The following ZCCHC14 variants were observed in gnomAD, a reference collection of about 807,000 sequenced individuals.
ZCCHC14 encodes zinc finger CCHC domain-containing protein 14.
Under a neutral mutation model 85.0 loss-of-function variants are expected in ZCCHC14, and 16 were observed. That is an observed-to-expected ratio of 0.19 (90% CI 0.13 to 0.29). The LOEUF (loss-of-function observed/expected upper bound fraction) is 0.29. ZCCHC14 is among the 10% of genes least tolerant of loss of function. ZCCHC14 has a pLI of 1.00. For synonymous variants in ZCCHC14, 775 were observed against 630.7 expected (o/e 1.23, Z -3.43); for missense variants, 1,303 against 1,443.5 (o/e 0.90, Z 1.58).
chr16:87,435,210 G>A (rs974652065), intron 2 of ZCCHC14, among the ~76,000 whole-genome samples: 25 of 152,170 alleles, frequency 1.6e-4, no homozygotes, highest in African/African-American at 5.8e-4. Context: ...CACGCTCTGG[G>A]GATGGTTCTA....
intron 12 of ZCCHC14, among the ~76,000 whole-genome samples, chr16:87,410,809 G>A (rs956125752): frequency 6.6e-6 from 1 of 152,192 alleles, no homozygotes; most frequent in South Asian, 2.1e-4. Flanking sequence ...CTCTCCAGGT[G>A]AACGTGATGT....
At chr16:87,464,868 C>T (rs561444550) in intron 1 of ZCCHC14, among the ~76,000 whole-genome samples, 5 of 152,340 alleles carry the variant, frequency 3.3e-5, no homozygotes, top group Middle Eastern at 3.4e-3. Context: ...CTGACTCAGG[C>T]TCACCCGCAG....
chr16:87,469,768 C>T (rs186069990), intron 1 of ZCCHC14, among the ~76,000 whole-genome samples: 7 of 152,270 alleles, frequency 4.6e-5, no homozygotes, highest in Admixed American at 4.6e-4. Flanking sequence ...TCCCGGAAGG[C>T]AGGGCTCCCT....
At chr16:87,438,526 C>G (rs534500650) in intron 2 of ZCCHC14, among the ~76,000 whole-genome samples, 1 of 152,144 alleles carries the variant, frequency 6.6e-6, no homozygotes, top group African/African-American at 2.4e-5. Context: ...GACCTGAGTT[C>G]GAATATTCAT....
intron 2 of ZCCHC14, among the ~76,000 whole-genome samples, chr16:87,458,722 G>C (rs928535434): frequency 6.6e-6 from 1 of 152,194 alleles, no homozygotes; most frequent in Admixed American, 6.5e-5. Context: ...GCGGTTGGGG[G>C]AGAGCGCACA....
At chr16:87,476,919 G>A (rs1383613730) in intron 1 of ZCCHC14, among the ~76,000 whole-genome samples, 5 of 151,966 alleles carry the variant, frequency 3.3e-5, no homozygotes, top group Non-Finnish European at 7.4e-5. Flanking sequence ...AAGGTAAGGA[G>A]TTTGAGACCA....
In ZCCHC14 at chr16:87,411,600, C is replaced by T. The variant is rs747496084; in HGVS notation, c.3121G>A (p.Gly1041Arg). The T allele has an allele frequency of 1.9e-6, 3 of 1,613,906 alleles. No homozygotes were observed. Among genetic ancestry groups the T allele is most frequent in the Non-Finnish European group, 1.7e-6 (2 of 1,180,030 alleles). Residue 1041 changes from glycine (G) to arginine (R), a missense_variant, in exon 12 of 13, where the codon GGG becomes AGG. Gly to Arg is a moderately radical substitution (Grantham distance 125, BLOSUM62 -2). This residue lies in a region of ZCCHC14 where 797 missense variants were observed against 730.8 expected (regional missense o/e 1.09). Coordinates refer to ENST00000671377, the MANE Select transcript of ZCCHC14 (RefSeq NM_015144.3). Reference sequence around the variant, plus strand: ...CCGCAGTTGTAACAAGATAGGTTCCCGCTCTTTTTGTGACTGGAACCATTG... The same window carrying T: ...CCGCAGTTGTAACAAGATAGGTTCCTGCTCTTTTTGTGACTGGAACCATTG... ...SSNGSSHKKSGNLSCYNCGAT... is the reference protein window; with the variant it reads ...SSNGSSHKKSRNLSCYNCGAT...
chr16:87,446,546 T>TACCTGGCCCTTTACAGA (rs1051953471), intron 2 of ZCCHC14, among the ~76,000 whole-genome samples: 1 of 152,000 alleles, frequency 6.6e-6, no homozygotes, highest in Non-Finnish European at 1.5e-5. Flanking sequence ...AAACATGAAT[T>TACCTGGCCCTTTACAGA]ACCTGGCCCT....
chr16:87,436,283 G>A (rs1056959972), intron 2 of ZCCHC14, among the ~76,000 whole-genome samples: 2 of 152,266 alleles, frequency 1.3e-5, no homozygotes, highest in African/African-American at 2.4e-5. Context: ...AAATGTTGGC[G>A]CATCCCTCTG....
chr16:87,463,023 G>A (rs1362047633), intron 1 of ZCCHC14, among the ~76,000 whole-genome samples: 1 of 152,100 alleles, frequency 6.6e-6, no homozygotes, highest in African/African-American at 2.4e-5. Flanking sequence ...AGCCGAGATT[G>A]CGCCATTGCA....
At chr16:87,435,028 GA>G (rs1281107693) in intron 2 of ZCCHC14, among the ~76,000 whole-genome samples, 7 of 144,560 alleles carry the variant, frequency 4.8e-5, no homozygotes, top group South Asian at 2.2e-4. Flanking sequence ...CGTTTTTTGG[GA>G]AAAAAAAATC....
At chr16:87,450,879 A>G (rs962682630) in intron 2 of ZCCHC14, among the ~76,000 whole-genome samples, 5 of 150,742 alleles carry the variant, frequency 3.3e-5, no homozygotes, top group Non-Finnish European at 7.4e-5. Flanking sequence ...AAAGTAGCAA[A>G]AACAGGAAGT....
chr16:87,426,835 AC>A (rs1383819119), intron 3 of ZCCHC14, among the ~76,000 whole-genome samples: 1 of 152,280 alleles, frequency 6.6e-6, no homozygotes, highest in Non-Finnish European at 1.5e-5. Context: ...CAATATTCTT[AC>A]TAAGCTAAGA....
intron 2 of ZCCHC14, among the ~76,000 whole-genome samples, chr16:87,449,982 C>T (rs1208744988): frequency 6.6e-6 from 1 of 152,218 alleles, no homozygotes; most frequent in Non-Finnish European, 1.5e-5. Context: ...GAGGTCGAGG[C>T]TGCACTGAAC....
chr16:87,413,674 C>A (rs1026662999), intron 10 of ZCCHC14, among the ~76,000 whole-genome samples: 1 of 152,150 alleles, frequency 6.6e-6, no homozygotes, highest in African/African-American at 2.4e-5. Context: ...AGGTGTCCCG[C>A]CCTTTCTGAG....
At chr16:87,443,527 G>C (rs773503127) in intron 2 of ZCCHC14, among the ~76,000 whole-genome samples, 12 of 152,156 alleles carry the variant, frequency 7.9e-5, no homozygotes, top group Non-Finnish European at 1.3e-4. Flanking sequence ...CCTGAGCTGA[G>C]AAGTTAGAGA....
At chr16:87,441,579 A>G (rs754189650) in intron 2 of ZCCHC14, among the ~76,000 whole-genome samples, 7 of 152,220 alleles carry the variant, frequency 4.6e-5, no homozygotes, top group Non-Finnish European at 8.8e-5. Flanking sequence ...CTCCAGAGTA[A>G]GAACACAAAA....
chr16:87,417,301 C>T (rs1189398663), intron 8 of ZCCHC14, among the ~76,000 whole-genome samples, 159 bp downstream of exon 8: 1 of 152,170 alleles, frequency 6.6e-6, no homozygotes, highest in East Asian at 1.9e-4. Context: ...CAGCTGCAGG[C>T]GGCCTCCGCA....
intron 2 of ZCCHC14, among the ~76,000 whole-genome samples, chr16:87,437,101 C>T (rs896711756): frequency 1.3e-5 from 2 of 152,022 alleles, no homozygotes; most frequent in Admixed American, 6.6e-5. Context: ...CTTTGGGAGG[C>T]TGAGGCAGGT....
Sources: allele counts gnomAD v4.1 joint callset (sites outside exome capture counted in the v4.1 genomes callset), GRCh38; gene constraint gnomAD v4.1.1; regional missense constraint gnomAD v4.1.1; transcripts MANE v1.5; gene names NCBI Gene and HGNC (gene_info 2026-07-23, HGNC 2026-07-21).